Variants in ZDHHC14 observed in about 807,000 individuals in gnomAD.
The protein encoded by ZDHHC14 is zDHHC palmitoyltransferase 14, also known as palmitoyltransferase ZDHHC14.
ZDHHC14 carries 16 observed loss-of-function variants against 47.7 expected under a neutral mutation model. The observed-to-expected ratio is 0.34, with a 90% CI of 0.23 to 0.51. The LOEUF (loss-of-function observed/expected upper bound fraction) is 0.51. ZDHHC14 is among the 20% of genes least tolerant of loss of function. ZDHHC14 has a pLI of 0.97. For synonymous variants in ZDHHC14, 293 were observed against 278.9 expected, an observed-to-expected ratio of 1.05 and a Z score of -0.50; for missense variants, 515 against 662.5, an observed-to-expected ratio of 0.78 and a Z score of 2.44.
At chr6:157,399,783 G>A (rs1285808221) in intron 1 of ZDHHC14, among the ~76,000 whole-genome samples, 1 of 152,246 alleles carries the variant, frequency 6.6e-6, no homozygotes, top group East Asian at 1.9e-4. Context: ...GACCAGGCTG[G>A]CTGGGTGGCT....
rs574942472 is a variant in ZDHHC14, at chr6:157,492,064, T to C, written c.246-50521T>C. 5.3e-5 allele frequency among the ~76,000 whole-genome samples: 8 copies of C among 152,264 alleles called. 1 individual carries two copies. In the East Asian group the frequency reaches 1.4e-3, roughly 26 times the overall value. On this transcript the variant is annotated intron_variant, in intron 1 of 8. Coordinates refer to ENST00000359775, the MANE Select transcript of ZDHHC14 (RefSeq NM_024630.3). ...TCACAGCACCAGTTGCCGGTGTTGG[T>C]TGCGGCACCTCAGGTGCTCCATCCA...
intron 3 of ZDHHC14, among the ~76,000 whole-genome samples, chr6:157,618,072 A>C (rs1785036750): frequency 6.6e-6 from 1 of 152,174 alleles, no homozygotes; most frequent in Non-Finnish European, 1.5e-5. Context: ...TCAATTTTGC[A>C]AGATAATTTG....
intron 4 of ZDHHC14, chr6:157,631,147 T>TCGCTCACATACCGTTGCA (rs1171744873): frequency 6.6e-6 from 1 of 152,238 alleles, no homozygotes; most frequent in East Asian, 1.9e-4. Context: ...GCTGTCGTGC[T>TCGCTCACATACCGTTGCA]CGCTCACATA....
intron 2 of ZDHHC14, among the ~76,000 whole-genome samples, chr6:157,573,174 C>T (rs545298732): frequency 6.6e-6 from 1 of 152,274 alleles, no homozygotes; most frequent in African/African-American, 2.4e-5. Context: ...GGCCCCACTC[C>T]CCTTTCATCT....
chr6:157,621,733 G>A (rs4708872), intron 3 of ZDHHC14, among the ~76,000 whole-genome samples: 76,600 of 152,056 alleles, frequency 0.5, 22,206 homozygotes, highest in East Asian at 0.87. Context: ...CAAACATTTC[G>A]TTCGATCTCC....
intron 8 of ZDHHC14, among the ~76,000 whole-genome samples, chr6:157,668,869 A>C (rs1778668916): frequency 6.6e-6 from 1 of 152,246 alleles, no homozygotes; most frequent in African/African-American, 2.4e-5. Flanking sequence ...TACAGTTCTT[A>C]ACAAGTCGTA....
At chr6:157,648,396 A>T (rs1457560611) in intron 7 of ZDHHC14, among the ~76,000 whole-genome samples, 2 of 152,282 alleles carry the variant, frequency 1.3e-5, no homozygotes, top group South Asian at 2.1e-4. Context: ...TCATTTGATT[A>T]TCAGCCTCAG....
chr6:157,622,646 G>A (rs1266853798), intron 3 of ZDHHC14, among the ~76,000 whole-genome samples: 4 of 152,022 alleles, frequency 2.6e-5, no homozygotes, highest in Non-Finnish European at 5.9e-5. Context: ...CTTTCTGCAT[G>A]AGCTGATCCA....
At chr6:157,415,828 G>A (rs1296912243) in intron 1 of ZDHHC14, among the ~76,000 whole-genome samples, 1 of 151,796 alleles carries the variant, frequency 6.6e-6, no homozygotes, top group Non-Finnish European at 1.5e-5. Context: ...GAGCCGAGAT[G>A]GTGCCATTGC....
intron 2 of ZDHHC14, among the ~76,000 whole-genome samples, chr6:157,577,631 C>A (rs1783355219): frequency 6.6e-6 from 1 of 152,212 alleles, no homozygotes; most frequent in Non-Finnish European, 1.5e-5. Context: ...CTCACTGCAA[C>A]CTCCACCTCC....
chr6:157,456,763 C>T (rs1778926615), intron 1 of ZDHHC14, among the ~76,000 whole-genome samples: 1 of 152,098 alleles, frequency 6.6e-6, no homozygotes, highest in Non-Finnish European at 1.5e-5. Flanking sequence ...TTGGAGAATT[C>T]AGTGAACCGT....
chr6:157,556,689 C>A (rs1562479679), intron 2 of ZDHHC14, among the ~76,000 whole-genome samples: 1 of 151,046 alleles, frequency 6.6e-6, no homozygotes, highest in African/African-American at 2.5e-5. Context: ...GAGATGGAGT[C>A]CAGGGAGACA....
intron 1 of ZDHHC14, among the ~76,000 whole-genome samples, chr6:157,440,492 C>T (rs564271270): frequency 1.3e-5 from 2 of 152,276 alleles, no homozygotes; most frequent in East Asian, 3.9e-4. Context: ...GTAGAAAACA[C>T]TTTGGAGGTT....
At position 157,586,175 on chromosome 6, in the gene ZDHHC14, C is replaced by T. The variant is rs1014752444; in HGVS notation, c.407-6813C>T. ...GAAGAAGTCTGAGTTCCTGCTGTGT[C>T]CCCAGCTCAGAGCCCAGGGCTGGCC... On this transcript the variant is annotated intron_variant, in intron 2 of 8. Coordinates refer to ENST00000359775, the MANE Select transcript of ZDHHC14 (RefSeq NM_024630.3). The surrounding 1 kb of genome is among the most constrained non-coding windows in gnomAD (Gnocchi z 4.6). Among the ~76,000 whole-genome samples the T allele has an allele frequency of 2.0e-5, 3 of 152,122 alleles. No homozygotes were observed. The highest frequency in any genetic ancestry group is 7.2e-5 in the African/African-American group (3 of 41,432).
chr6:157,510,166 C>G (rs945488238), intron 1 of ZDHHC14, among the ~76,000 whole-genome samples: 4 of 152,212 alleles, frequency 2.6e-5, no homozygotes, highest in Admixed American at 6.5e-5. Context: ...ATCACTTGAA[C>G]CCGGAGGCTG....
chr6:157,657,310 A>C (rs1778147025), intron 8 of ZDHHC14, among the ~76,000 whole-genome samples: 1 of 152,102 alleles, frequency 6.6e-6, no homozygotes, highest in Non-Finnish European at 1.5e-5. Flanking sequence ...AGCCTCCCAA[A>C]GTGTTGAGAT....
At chr6:157,517,300 G>T (rs1396358100) in intron 1 of ZDHHC14, among the ~76,000 whole-genome samples, 1 of 149,360 alleles carries the variant, frequency 6.7e-6, no homozygotes, top group Non-Finnish European at 1.5e-5. Context: ...CCCACTAAAA[G>T]ACTTCTGCTC....
In ZDHHC14 at chr6:157,620,194, A is replaced by G. The variant is rs139352338; in HGVS notation, c.566-8155A>G. ...GGAAAGTCCAAGATCGAGGGAATGCATCTGATGAGGGCCTTCTTGCTGATG... is the reference window on the plus strand; with the variant it reads ...GGAAAGTCCAAGATCGAGGGAATGCGTCTGATGAGGGCCTTCTTGCTGATG... On this transcript the variant is annotated intron_variant, in intron 3 of 8. Coordinates refer to ENST00000359775, the MANE Select transcript of ZDHHC14 (RefSeq NM_024630.3). 3.2e-3 allele frequency among the ~76,000 whole-genome samples: 494 copies of G among 152,336 alleles called. 1 individual carries two copies. Among genetic ancestry groups the G allele is most frequent in the Admixed American group, 5.0e-3 (76 of 15,300 alleles).
intron 1 of ZDHHC14, among the ~76,000 whole-genome samples, chr6:157,440,299 A>T (rs1778536089): frequency 6.6e-6 from 1 of 152,198 alleles, no homozygotes; most frequent in African/African-American, 2.4e-5. Flanking sequence ...CAAAAGACAC[A>T]TGACAAAATA....
Sources: gnomAD v4.1 joint callset for allele counts (sites outside exome capture counted in the v4.1 genomes callset) on GRCh38, gnomAD v4.1.1 for gene constraint, Gnocchi (gnomAD v3.1) non-coding constraint, MANE v1.5 for transcripts, NCBI Gene and HGNC (gene_info 2026-07-23, HGNC 2026-07-21) for gene names.